The following SLC23A1 variants were observed in gnomAD, a reference collection of about 807,000 sequenced individuals.
SLC23A1 encodes Na(+)/L-ascorbic acid transporter 1.
SLC23A1 carries 31 observed loss-of-function variants against 62.5 expected under a neutral mutation model. The observed-to-expected ratio is 0.50, with a 90% CI of 0.37 to 0.67. The LOEUF (loss-of-function observed/expected upper bound fraction) is 0.67. SLC23A1 is among the 30% of genes least tolerant of loss of function. The pLI, the probability that SLC23A1 is intolerant of heterozygous loss-of-function variation, is 0.00. For missense variants in SLC23A1, 640 were observed against 782.7 expected (o/e 0.82, Z 2.18); for synonymous variants, 271 against 313.2 (o/e 0.87, Z 1.42).
intron 14 of SLC23A1, chr5:139,368,620 C>T: frequency 1.4e-6 from 1 of 721,236 alleles, no homozygotes; most frequent in Non-Finnish European, 2.4e-6. Flanking sequence ...GTCTTACAGA[C>T]TGAGTTCTTT....
chr5:139,371,875 C>G (rs949631937), intron 14 of SLC23A1, 112 bp downstream of exon 14: 2 of 818,214 alleles, frequency 2.4e-6, no homozygotes, highest in African/African-American at 3.4e-5. Context: ...TCTTTGAGGA[C>G]ATTCAAACAG....
chr5:139,375,169 G>T (rs1757887184), intron 13 of SLC23A1, among the ~76,000 whole-genome samples: 1 of 152,158 alleles, frequency 6.6e-6, no homozygotes, highest in East Asian at 1.9e-4. Context: ...CTGTGATCAG[G>T]CTGGTAAGTG....
In SLC23A1 at chr5:139,376,569, CTG is replaced by C. The variant is rs1412267417; in HGVS notation, c.1549+831_1549+832del. Among the ~76,000 whole-genome samples the C allele has an allele frequency of 3.9e-5, 6 of 152,206 alleles. No individual in the cohort carries two copies. In the South Asian group the frequency reaches 6.2e-4, roughly 16 times the overall value. Reference sequence around the variant, plus strand: ...ATAGTATATGTTTGCTAAATGTTAACTGTTTGTTATCAGAGCACCTGGTGACA... The same window carrying C: ...ATAGTATATGTTTGCTAAATGTTAACTTTGTTATCAGAGCACCTGGTGACA... On this transcript the variant is annotated intron_variant, in intron 13 of 14. Transcript: ENST00000348729.
rs1034222289 is a variant in SLC23A1, at chr5:139,378,404, T to C, written c.1180-53A>G. The C allele has an allele frequency of 6.5e-7, 1 of 1,538,664 alleles. No homozygotes were observed. The highest frequency in any genetic ancestry group is 1.4e-5 in the African/African-American group (1 of 72,440). On this transcript the variant is annotated intron_variant, in intron 10 of 14. Coordinates refer to ENST00000348729, the MANE Select transcript of SLC23A1 (RefSeq NM_005847.5). The surrounding 1 kb of genome is among the most constrained non-coding windows in gnomAD (Gnocchi z 4.5). ...ACCTGGGGACGAGGCTGGGGCGGGG[T>C]TAGTTCCAGGGGCGGGGCCTGTTAT...
intron 13 of SLC23A1, among the ~76,000 whole-genome samples, chr5:139,375,420 C>T (rs1757899413): frequency 6.6e-6 from 1 of 152,174 alleles, no homozygotes; most frequent in Non-Finnish European, 1.5e-5. Context: ...ACTCTCAGCT[C>T]TTCAGGAGGC....
In SLC23A1 at chr5:139,379,189, G is replaced by A. The variant is rs1366701072; in HGVS notation, c.1073+18C>T. On this transcript the variant is annotated intron_variant, in intron 9 of 14. Transcript: ENST00000348729. This position sits in a 1 kb window ranked among gnomAD's most constrained non-coding sequence, Gnocchi z 4.7. Reference sequence around the variant, plus strand: ...GGCGCCTGAGGAGATCAGATACTGAGGAGGGCAGGTAGGCTACCTGTTGAT... The same window carrying A: ...GGCGCCTGAGGAGATCAGATACTGAAGAGGGCAGGTAGGCTACCTGTTGAT... 1.2e-6 allele frequency: 2 copies of A among 1,613,544 alleles called. No homozygotes were observed. Among genetic ancestry groups the A allele is most frequent in the Admixed American group, 1.7e-5 (1 of 60,022 alleles).
upstream of SLC23A1, chr5:139,384,584 C>T: frequency 3.1e-6 from 4 of 1,275,322 alleles, no homozygotes; most frequent in Non-Finnish European, 4.1e-6. Context: ...GCACTTTTCT[C>T]TCCAACTTCT....
Position 139,372,267 on chromosome 5 carries a change from G to A in SLC23A1, c.1550-14C>T. The stretch of plus-strand genomic sequence containing the variant: ...CCTCTGGGCTCCCTGGAAGAGGATA[G>A]TGAGGTCATTTACCAAGGCCAGCAA... On this transcript the variant is annotated splice_polypyrimidine_tract_variant and intron_variant, in intron 13 of 14. Coordinates refer to ENST00000348729, the MANE Select transcript of SLC23A1 (RefSeq NM_005847.5). 1 of 1,607,142 alleles carries A rather than the reference G, an allele frequency of 6.2e-7. No homozygotes were observed. Among genetic ancestry groups the A allele is most frequent in the East Asian group, 2.2e-5 (1 of 44,774 alleles).
intron 2 of SLC23A1, chr5:139,382,269 C>T: frequency 1.7e-6 from 1 of 605,710 alleles, no homozygotes; most frequent in Non-Finnish European, 2.9e-6. Context: ...GGAGTCGGCT[C>T]TGCTCCCTGT....
rs1758282798 is a variant in SLC23A1 at position 139,381,877 on chromosome 5, G to T, written c.308+15C>A. 2 of 1,548,374 alleles carry T rather than the reference G, an allele frequency of 1.3e-6. No individual in the cohort carries two copies. Among genetic ancestry groups the T allele is most frequent in the Non-Finnish European group, 1.7e-6 (2 of 1,145,770 alleles). ...AGGGGTGGCGGGGGACGGGTTGGGG[G>T]GCTGGGCGGCTCACCGGATGCCCAC... On this transcript the variant is annotated intron_variant, in intron 3 of 14. Transcript: ENST00000348729.
chr5:139,380,725 G>A (rs1581376206), intron 4 of SLC23A1, 73 bp downstream of exon 4: 5 of 1,462,494 alleles, frequency 3.4e-6, no homozygotes, highest in Non-Finnish European at 4.8e-6. Flanking sequence ...GTGTTGACCC[G>A]GGACAGTTGC....
upstream of SLC23A1, chr5:139,383,310 G>A: frequency 6.3e-7 from 1 of 1,599,592 alleles, no homozygotes; most frequent in Non-Finnish European, 8.5e-7. Context: ...CTTGACAAAG[G>A]CCAAGGAGGA....
chr5:139,376,679 A>G (rs1757964347), intron 13 of SLC23A1, among the ~76,000 whole-genome samples: 1 of 152,214 alleles, frequency 6.6e-6, no homozygotes, highest in African/African-American at 2.4e-5. Context: ...CTGGTACCAA[A>G]GGGAAATGTT....
At chr5:139,382,261 A>G (rs1424360431) in intron 2 of SLC23A1, 13 of 608,058 alleles carry the variant, frequency 2.1e-5, no homozygotes, top group Non-Finnish European at 2.9e-5. Context: ...GCTTCCGTGG[A>G]GTCGGCTCTG....
At chr5:139,381,789 G>A (rs1321880752) in intron 3 of SLC23A1, 103 bp downstream of exon 3, 3 of 960,256 alleles carry the variant, frequency 3.1e-6, no homozygotes, top group East Asian at 2.6e-5. Context: ...GCAGAAAGCG[G>A]CTTTTTTGTC....
chr5:139,382,164 A>T, intron 2 of SLC23A1, 115 bp from the exon 3 acceptor site: 1 of 1,016,838 alleles, frequency 9.8e-7, no homozygotes, highest in Non-Finnish European at 1.4e-6. Context: ...CTGCCTGCCC[A>T]GGACTGGCAG....
At chr5:139,382,151 C>A (rs1001833857) in intron 2 of SLC23A1, 102 bp from the exon 3 acceptor site, 21 of 1,222,432 alleles carry the variant, frequency 1.7e-5, no homozygotes, top group Non-Finnish European at 2.3e-5. Flanking sequence ...GGCCTGGAAC[C>A]GGCTGCCTGC....
rs1758373088 is a variant in SLC23A1, at chr5:139,383,198, C to T, written c.36+20G>A. On this transcript the variant is annotated intron_variant, in intron 1 of 14. Transcript: ENST00000348729. ...CCACCCCCCCTGCCCCCCCTAGCCC[C>T]CACCCCCAGCCCCCAGCACCTGTGT... 9.2e-7 allele frequency: 1 copy of T among 1,084,876 alleles called. No individual in the cohort carries two copies. Among genetic ancestry groups the T allele is most frequent in the Non-Finnish European group, 1.3e-6 (1 of 777,362 alleles). 67.2% of individuals were successfully genotyped at this position (1,084,876 alleles called of 1,614,324 possible).
At position 139,378,001 on chromosome 5, in the gene SLC23A1, TC is replaced by T; in HGVS notation, c.1426del (p.Glu476SerfsTer18). The T allele has an allele frequency of 1.2e-6, 2 of 1,613,956 alleles. No individual in the cohort carries two copies. Among genetic ancestry groups the T allele is most frequent in the Non-Finnish European group, 1.7e-6 (2 of 1,179,972 alleles). On this transcript the variant is annotated frameshift_variant, in exon 12 of 15. Coordinates refer to ENST00000348729, the MANE Select transcript of SLC23A1 (RefSeq NM_005847.5). LOFTEE classifies it high-confidence loss of function. The surrounding 1 kb of genome is among the most constrained non-coding windows in gnomAD (Gnocchi z 4.5). ...FFGLTLPNYL[E>X]SNPGAINTGI... ...TGTATTGATGGCGCCAGGGTTGGACTCCAGGTAATTGGGCAGCGTGAGCCCG... is the reference window on the plus strand; with the variant it reads ...TGTATTGATGGCGCCAGGGTTGGACTCAGGTAATTGGGCAGCGTGAGCCCG...
Sources: gnomAD v4.1 joint callset for allele counts (sites outside exome capture counted in the v4.1 genomes callset) on GRCh38, gnomAD v4.1.1 for gene constraint, Gnocchi (gnomAD v3.1) non-coding constraint, MANE v1.5 for transcripts, NCBI Gene and HGNC (gene_info 2026-07-23, HGNC 2026-07-21) for gene names.